Variants in PAX7 observed in about 807,000 individuals in gnomAD.
PAX7 encodes the protein paired box protein Pax-7.
PAX7 carries 18 observed loss-of-function variants against 50.7 expected under a neutral mutation model. That is an observed-to-expected ratio of 0.36 (90% CI 0.25 to 0.53). PAX7 has a LOEUF of 0.53. PAX7 is among the 20% of genes least tolerant of loss of function. PAX7 has a pLI of 0.93. For synonymous variants in PAX7, 310 were observed against 290.4 expected (o/e 1.07, Z -0.69); for missense variants, 644 against 702.9 (o/e 0.92, Z 0.95).
chr1:18,630,923 C>G lies in PAX7; in HGVS notation c.-681C>G, dbSNP rs1001424563. 1.0e-5 allele frequency: 2 copies of G among 198,382 alleles called. No individual in the cohort carries two copies. The highest frequency in any genetic ancestry group is 4.6e-5 in the African/African-American group (2 of 43,266). 12.3% of individuals were successfully genotyped at this position (198,382 alleles called of 1,614,324 possible). On this transcript the variant is annotated 5_prime_UTR_variant, in exon 1 of 9. Transcript: ENST00000420770. ...ATTTCTCTTTCCCCAACCCCGTCAC[C>G]CCCTGTCTCCTCCGTCCAGCCCTGA...
intron 4 of PAX7, among the ~76,000 whole-genome samples, chr1:18,690,776 T>G (rs1183506525): frequency 1.3e-5 from 2 of 152,218 alleles, no homozygotes; most frequent in African/African-American, 4.8e-5. Context: ...AGGTGAGGTC[T>G]CCTCTAGCCT....
chr1:18,676,057 C>T (rs557584744), intron 4 of PAX7, among the ~76,000 whole-genome samples: 4 of 152,192 alleles, frequency 2.6e-5, no homozygotes, highest in Non-Finnish European at 4.4e-5. Context: ...TAAGCCACCT[C>T]GCCCAGCTTC....
At chr1:18,686,581 C>T (rs1570170657) in intron 4 of PAX7, among the ~76,000 whole-genome samples, 1 of 152,204 alleles carries the variant, frequency 6.6e-6, no homozygotes, top group African/African-American at 2.4e-5. Context: ...TCAGCCCCAA[C>T]CAGCAGGGCC....
chr1:18,726,855 C>T lies in PAX7; in HGVS notation c.1156-8777C>T, dbSNP rs557399532. ...AAGCTGCACGTGGGAGGAGAAGAGA[C>T]CCCACCAGGGTTGTGGGTGGCTAGC... On this transcript the variant is annotated intron_variant, in intron 7 of 8. Transcript: ENST00000420770. This position sits in a 1 kb window ranked among gnomAD's most constrained non-coding sequence, Gnocchi z 4.8. 6.6e-6 allele frequency among the ~76,000 whole-genome samples: 1 copy of T among 152,280 alleles called. No individual in the cohort carries two copies. Among genetic ancestry groups the T allele is most frequent in the African/African-American group, 2.4e-5 (1 of 41,564 alleles).
intron 4 of PAX7, among the ~76,000 whole-genome samples, chr1:18,639,556 T>C (rs1314378908): frequency 6.6e-6 from 1 of 152,080 alleles, no homozygotes; most frequent in African/African-American, 2.4e-5. Flanking sequence ...GACTCCCTCC[T>C]CTTCACCCCT....
chr1:18,671,061 C>T (rs2088741906), intron 4 of PAX7, among the ~76,000 whole-genome samples: 1 of 152,164 alleles, frequency 6.6e-6, no homozygotes, highest in African/African-American at 2.4e-5. Flanking sequence ...CCTCCCTCCT[C>T]GCTAAACTTT....
chr1:18,681,680 T>C (rs6675107), intron 4 of PAX7, among the ~76,000 whole-genome samples: 3,122 of 149,802 alleles, frequency 0.021, 56 homozygotes, highest in African/African-American at 0.052. Flanking sequence ...ATCATCTACC[T>C]AGGGCTTAGA....
intron 7 of PAX7, among the ~76,000 whole-genome samples, chr1:18,707,233 T>C: frequency 6.6e-6 from 1 of 152,116 alleles, no homozygotes; most frequent in East Asian, 1.9e-4. Context: ...TTAAAAGGCA[T>C]ACAGTATGTT....
intron 8 of PAX7, chr1:18,736,269 A>G: frequency 2.3e-6 from 1 of 428,410 alleles, no homozygotes; most frequent in Non-Finnish European, 4.2e-6. Flanking sequence ...GTTCAAGACC[A>G]GCCTGGTCAA....
intron 4 of PAX7, among the ~76,000 whole-genome samples, chr1:18,655,452 C>T (rs1212465149): frequency 1.3e-5 from 2 of 152,170 alleles, no homozygotes; most frequent in Admixed American, 6.5e-5. Context: ...AGGGAGGGGG[C>T]TGCAGGATGA....
At chr1:18,697,721 C>T (rs899159962) in intron 5 of PAX7, among the ~76,000 whole-genome samples, 1 of 152,146 alleles carries the variant, frequency 6.6e-6, no homozygotes, top group East Asian at 1.9e-4. Flanking sequence ...GCAACAAAGG[C>T]ATGCCCTCTC....
chr1:18,651,834 C>T (rs1199675276), intron 4 of PAX7, among the ~76,000 whole-genome samples: 1 of 148,986 alleles, frequency 6.7e-6, no homozygotes, highest in African/African-American at 2.5e-5. Context: ...CCCCCCACCC[C>T]ACCGCCTCTT....
At chr1:18,742,583 C>T (rs1931208479) in intron 8 of PAX7, among the ~76,000 whole-genome samples, 1 of 152,208 alleles carries the variant, frequency 6.6e-6, no homozygotes, top group South Asian at 2.1e-4. Flanking sequence ...TACCCTCACA[C>T]AGAGTAAGGG....
At chr1:18,723,332 C>A (rs11588968) in intron 7 of PAX7, among the ~76,000 whole-genome samples, 6,453 of 152,260 alleles carry the variant, frequency 0.042, 175 homozygotes, top group Non-Finnish European at 0.048. Flanking sequence ...TATGTTGGGT[C>A]ATAATAATGG....
chr1:18,671,883 A>T (rs1346929892), intron 4 of PAX7, among the ~76,000 whole-genome samples: 1 of 152,024 alleles, frequency 6.6e-6, no homozygotes, highest in Non-Finnish European at 1.5e-5. Flanking sequence ...AGGTCGAGGC[A>T]GGAGGATCAC....
intron 8 of PAX7, among the ~76,000 whole-genome samples, chr1:18,737,774 G>A (rs551205382): frequency 2.5e-4 from 38 of 152,376 alleles, no homozygotes; most frequent in South Asian, 1.2e-3. Flanking sequence ...GTTTAAATGT[G>A]CATTCAAGTC....
intron 4 of PAX7, among the ~76,000 whole-genome samples, chr1:18,678,313 C>A (rs1409038494): frequency 6.6e-6 from 1 of 151,528 alleles, no homozygotes; most frequent in Admixed American, 6.6e-5. Context: ...ACAGGAGAAT[C>A]GCTTGAACCC....
chr1:18,671,892 A>G (rs1323996377), intron 4 of PAX7, among the ~76,000 whole-genome samples: 2 of 151,988 alleles, frequency 1.3e-5, no homozygotes, highest in Non-Finnish European at 2.9e-5. Context: ...CAGGAGGATC[A>G]CTTAAGCCCA....
chr1:18,725,587 G>A (rs757074384), intron 7 of PAX7, among the ~76,000 whole-genome samples: 6 of 152,214 alleles, frequency 3.9e-5, no homozygotes, highest in Non-Finnish European at 8.8e-5. Flanking sequence ...TGCTTAGTAA[G>A]GCCAGATACA....
Sources: allele counts gnomAD v4.1 joint callset (sites outside exome capture counted in the v4.1 genomes callset), GRCh38; gene constraint gnomAD v4.1.1; non-coding constraint Gnocchi (gnomAD v3.1); transcripts MANE v1.5; gene names NCBI Gene and HGNC (gene_info 2026-07-23, HGNC 2026-07-21).